Variants in COL10A1 observed in about 807,000 individuals in gnomAD.
COL10A1 encodes the protein collagen type X alpha 1 chain, also known as collagen alpha-1(X) chain.
A neutral mutation model predicts 18.2 loss-of-function variants in COL10A1; 10 were observed. The observed-to-expected ratio is 0.55, with a 90% CI of 0.34 to 0.93. The LOEUF is 0.93. Among genes scored for constraint, COL10A1 ranks in the 40% least tolerant of loss-of-function variants. The pLI is 0.02. For missense variants in COL10A1, 897 were observed against 853.5 expected, an observed-to-expected ratio of 1.05 and a Z score of -0.64; for synonymous variants, 330 against 316.6, an observed-to-expected ratio of 1.04 and a Z score of -0.45.
chr6:116,148,362 G>A (rs1009852997), intron 1 of COL10A1, among the ~76,000 whole-genome samples: 9 of 152,118 alleles, frequency 5.9e-5, no homozygotes, highest in Non-Finnish European at 7.4e-5. Flanking sequence ...AAATATTGTA[G>A]CATTTGTTTT....
chr6:116,141,993 A>G (rs1433056063), intron 1 of COL10A1, among the ~76,000 whole-genome samples: 1 of 151,996 alleles, frequency 6.6e-6, no homozygotes, highest in Non-Finnish European at 1.5e-5. Flanking sequence ...AAATTTTGAC[A>G]AAGTTACTTA....
At chr6:116,216,597 G>A in the COL10A1 span, among the ~76,000 whole-genome samples, 33 of 151,588 alleles carry the variant, frequency 2.2e-4, no homozygotes, top group African/African-American at 7.5e-4. Flanking sequence ...ATTATGTTTA[G>A]CATATAGATT....
chr6:116,168,061 C>T, the COL10A1 span, among the ~76,000 whole-genome samples: 1 of 140,092 alleles, frequency 7.1e-6, no homozygotes, highest in East Asian at 2.0e-4. Context: ...TTTTCATCTT[C>T]GATTTATGAT....
chr6:116,178,528 C>T, the COL10A1 span, among the ~76,000 whole-genome samples: 1 of 152,178 alleles, frequency 6.6e-6, no homozygotes, highest in Non-Finnish European at 1.5e-5. Flanking sequence ...GACTTCCAGT[C>T]ATTTGTTGTT....
At chr6:116,167,499 A>G in the COL10A1 span, among the ~76,000 whole-genome samples, 1 of 152,176 alleles carries the variant, frequency 6.6e-6, no homozygotes, top group East Asian at 1.9e-4. Context: ...GGTGTGAGCC[A>G]CCGTGCCCAG....
At chr6:116,154,803 A>T (rs1206484138) in intron 1 of COL10A1, among the ~76,000 whole-genome samples, 1 of 152,140 alleles carries the variant, frequency 6.6e-6, no homozygotes. Flanking sequence ...AGGATTAATA[A>T]CTCTTAGCAG....
At chr6:116,153,139 AC>A (rs1780091652) in intron 1 of COL10A1, among the ~76,000 whole-genome samples, 1 of 152,016 alleles carries the variant, frequency 6.6e-6, no homozygotes, top group African/African-American at 2.4e-5. Flanking sequence ...GTATATACAT[AC>A]ATATTCACAC....
rs145214720 is a variant in COL10A1, at chr6:116,121,860, C to T, written c.256G>A (p.Gly86Arg). 1,656 of 1,613,950 alleles carry T rather than the reference C, an allele frequency of 1.0e-3. No homozygotes were observed. Among genetic ancestry groups the T allele is most frequent in the Non-Finnish European group, 1.3e-3 (1,536 of 1,179,966 alleles). Reference protein sequence around the residue: ...PSGPPGKPGYGSPGLQGEPGL... With the variant: ...PSGPPGKPGYRSPGLQGEPGL... Reference sequence around the variant, plus strand: ...GGCTCTCCTTGGAGTCCAGGACTTCCGTAGCCTGGTTTTCCTGGTGGTCCA... The same window carrying T: ...GGCTCTCCTTGGAGTCCAGGACTTCTGTAGCCTGGTTTTCCTGGTGGTCCA... The change falls in exon 3 of 3, where the codon GGA (glycine) becomes AGA (arginine). Residue 86 changes from glycine to arginine, a missense_variant. Gly to Arg is a moderately radical substitution (Grantham distance 125). Coordinates refer to ENST00000651968, the MANE Select transcript of COL10A1 (RefSeq NM_000493.4).
chr6:116,212,319 G>A, the COL10A1 span, among the ~76,000 whole-genome samples: 1 of 152,012 alleles, frequency 6.6e-6, no homozygotes, highest in East Asian at 1.9e-4. Flanking sequence ...ACAGAGTAGT[G>A]CCTCATTAAA....
chr6:116,172,839 TCTC>T, the COL10A1 span, among the ~76,000 whole-genome samples: 1 of 152,216 alleles, frequency 6.6e-6, no homozygotes, highest in African/African-American at 2.4e-5. Flanking sequence ...GAAAATCTAC[TCTC>T]CTTGTTTTTA....
At chr6:116,188,581 T>G in the COL10A1 span, among the ~76,000 whole-genome samples, 2 of 151,980 alleles carry the variant, frequency 1.3e-5, no homozygotes, top group Non-Finnish European at 2.9e-5. Flanking sequence ...GATATTAAAA[T>G]GGGTTACACT....
the COL10A1 span, among the ~76,000 whole-genome samples, chr6:116,166,728 A>G: frequency 3.9e-5 from 6 of 152,220 alleles, no homozygotes; most frequent in Admixed American, 2.6e-4. Flanking sequence ...AATTTCTACT[A>G]AAGTTTCAGA....
At chr6:116,145,270 A>G (rs1779869324) in intron 1 of COL10A1, among the ~76,000 whole-genome samples, 1 of 152,158 alleles carries the variant, frequency 6.6e-6, no homozygotes, top group African/African-American at 2.4e-5. Flanking sequence ...GTGATATGAT[A>G]AAAAGAATGG....
At chr6:116,193,090 A>G in the COL10A1 span, among the ~76,000 whole-genome samples, 125,384 of 152,102 alleles carry the variant, frequency 0.82, 52,249 homozygotes, top group African/African-American at 0.96. Flanking sequence ...AGACTCTCAT[A>G]TATTACCTGA....
At chr6:116,177,714 TAC>T in the COL10A1 span, among the ~76,000 whole-genome samples, 1 of 152,172 alleles carries the variant, frequency 6.6e-6, no homozygotes, top group Non-Finnish European at 1.5e-5. Context: ...TAAAGTTTAT[TAC>T]TAAATAATCT....
intron 1 of COL10A1, among the ~76,000 whole-genome samples, chr6:116,138,475 A>T (rs942349798): frequency 6.6e-6 from 1 of 152,176 alleles, no homozygotes; most frequent in Non-Finnish European, 1.5e-5. Context: ...AATTCTTTAC[A>T]ATTGAAAGAG....
chr6:116,138,333 AG>A (rs1779671949), intron 1 of COL10A1, among the ~76,000 whole-genome samples: 1 of 152,222 alleles, frequency 6.6e-6, no homozygotes, highest in South Asian at 2.1e-4. Context: ...TATGAGAAAC[AG>A]TATAATTCCA....
the COL10A1 span, among the ~76,000 whole-genome samples, chr6:116,173,993 G>A: frequency 6.6e-6 from 1 of 152,164 alleles, no homozygotes; most frequent in African/African-American, 2.4e-5. Context: ...CTCACTTGGA[G>A]TGCTAGCCAC....
At chr6:116,211,236 G>T in the COL10A1 span, among the ~76,000 whole-genome samples, 1 of 152,042 alleles carries the variant, frequency 6.6e-6, no homozygotes, top group African/African-American at 2.4e-5. Flanking sequence ...CAGACAGTGA[G>T]TGAAGAAACC....
Sources: allele counts gnomAD v4.1 joint callset (sites outside exome capture counted in the v4.1 genomes callset), GRCh38; gene constraint gnomAD v4.1.1; transcripts MANE v1.5; gene names NCBI Gene and HGNC (gene_info 2026-07-23, HGNC 2026-07-21).